MAP2K5: variants seen among roughly 807,000 people sequenced by gnomAD.
MAP2K5 encodes dual specificity mitogen-activated protein kinase kinase 5.
In MAP2K5, 49 loss-of-function variants were observed where a neutral mutation model predicts 83.1. That is an observed-to-expected ratio of 0.59 (90% CI 0.47 to 0.75). The LOEUF is 0.75. Among genes scored for constraint, MAP2K5 ranks in the 30% least tolerant of loss-of-function variants. The pLI is 0.00. For missense variants in MAP2K5, 457 were observed against 557.5 expected (o/e 0.82, Z 1.82); for synonymous variants, 202 against 191.8 (o/e 1.05, Z -0.44).
chr15:67,575,676 G>A (rs969038300), intron 3 of MAP2K5, among the ~76,000 whole-genome samples: 2 of 152,130 alleles, frequency 1.3e-5, no homozygotes, highest in African/African-American at 2.4e-5. Flanking sequence ...TAGAATGAAA[G>A]GAGTAATTTT....
chr15:67,567,844 G>A (rs1020260279), intron 3 of MAP2K5, among the ~76,000 whole-genome samples: 2 of 152,018 alleles, frequency 1.3e-5, no homozygotes, highest in African/African-American at 2.4e-5. Context: ...TGAAAATAGC[G>A]TGCTGCTTTT....
intron 8 of MAP2K5, among the ~76,000 whole-genome samples, chr15:67,616,050 T>G (rs1196104309): frequency 6.6e-6 from 1 of 152,228 alleles, no homozygotes; most frequent in African/African-American, 2.4e-5. Flanking sequence ...TCTTTCTTTT[T>G]GTTTTAGTTT....
rs946371986 is a variant in MAP2K5, at chr15:67,775,756, A to G, written c.1242+3004A>G. ...TTTGGAGGATGAAGTGAATTTTAAT[A>G]GAGAGCTTTGAAGGGGCCATTCCAG... On this transcript the variant is annotated intron_variant, in intron 21 of 21. Coordinates refer to ENST00000178640, the MANE Select transcript of MAP2K5 (RefSeq NM_145160.3). This position sits in a 1 kb window ranked among gnomAD's most constrained non-coding sequence, Gnocchi z 5.3. Among the ~76,000 whole-genome samples the G allele has an allele frequency of 6.6e-6, 1 of 152,226 alleles. No individual in the cohort carries two copies. Among genetic ancestry groups the G allele is most frequent in the Non-Finnish European group, 1.5e-5 (1 of 68,030 alleles).
In MAP2K5 at chr15:67,562,620, C is replaced by G. The variant is rs962628461; in HGVS notation, c.185-663C>G. Among the ~76,000 whole-genome samples the G allele has an allele frequency of 2.0e-5, 3 of 152,010 alleles. No individual in the cohort carries two copies. The highest frequency in any genetic ancestry group is 4.4e-5 in the Non-Finnish European group (3 of 68,016). On this transcript the variant is annotated intron_variant, in intron 2 of 21. Transcript: ENST00000178640. This position sits in a 1 kb window ranked among gnomAD's most constrained non-coding sequence, Gnocchi z 4.1. The stretch of plus-strand genomic sequence containing the variant: ...AAGCTTTCTATGGCTGGAGAGTATG[C>G]AAAACAAGTGAAACTGTTCGGAAAA...
chr15:67,728,734 T>C (rs1192347449), intron 17 of MAP2K5, among the ~76,000 whole-genome samples: 3 of 152,244 alleles, frequency 2.0e-5, no homozygotes, highest in Non-Finnish European at 4.4e-5. Flanking sequence ...GTCTCTGCTC[T>C]TTAAGCATCT....
chr15:67,683,742 A>G (rs1195850079), intron 13 of MAP2K5, among the ~76,000 whole-genome samples: 4 of 130,504 alleles, frequency 3.1e-5, no homozygotes, highest in East Asian at 6.5e-4. Flanking sequence ...CCTGGGTGAC[A>G]TGAGCAAGAC....
intron 13 of MAP2K5, among the ~76,000 whole-genome samples, chr15:67,673,071 A>G (rs1198785745): frequency 6.6e-6 from 1 of 152,156 alleles, no homozygotes; most frequent in East Asian, 1.9e-4. Flanking sequence ...GTAGCCTTGT[A>G]GTATAGTTTG....
chr15:67,715,949 A>T (rs1430245633), intron 16 of MAP2K5, among the ~76,000 whole-genome samples: 1 of 152,196 alleles, frequency 6.6e-6, no homozygotes, highest in Non-Finnish European at 1.5e-5. Flanking sequence ...GTAGGGACTG[A>T]AGGACTGTTT....
chr15:67,611,093 C>T (rs375008060), intron 8 of MAP2K5, among the ~76,000 whole-genome samples: 30 of 152,246 alleles, frequency 2.0e-4, no homozygotes, highest in East Asian at 1.9e-3. Context: ...GATTCTATTA[C>T]GACGGTTAAC....
At chr15:67,656,875 C>A (rs2087095906) in intron 11 of MAP2K5, among the ~76,000 whole-genome samples, 1 of 152,162 alleles carries the variant, frequency 6.6e-6, no homozygotes, top group Admixed American at 6.5e-5. Context: ...ATTAAACCAA[C>A]CCCTTCTGCC....
At chr15:67,681,564 C>A (rs1301397106) in intron 13 of MAP2K5, among the ~76,000 whole-genome samples, 4 of 152,112 alleles carry the variant, frequency 2.6e-5, no homozygotes, top group Non-Finnish European at 5.9e-5. Flanking sequence ...TAAAAATGAG[C>A]CACTTTACAT....
intron 13 of MAP2K5, among the ~76,000 whole-genome samples, chr15:67,689,347 A>T (rs2088039149): frequency 6.6e-6 from 1 of 152,238 alleles, no homozygotes; most frequent in Admixed American, 6.5e-5. Context: ...CAGAAATTCA[A>T]AGAAGATAGT....
chr15:67,600,588 C>A (rs1318391332), intron 7 of MAP2K5, 97 bp from the exon 8 acceptor site: 2 of 877,104 alleles, frequency 2.3e-6, no homozygotes, highest in East Asian at 2.6e-5. Flanking sequence ...CTTGAAATGA[C>A]CCAGACTGCT....
chr15:67,659,291 A>G lies in MAP2K5; in HGVS notation c.798+677A>G, dbSNP rs117958930. On this transcript the variant is annotated intron_variant, in intron 12 of 21. Coordinates refer to ENST00000178640, the MANE Select transcript of MAP2K5 (RefSeq NM_145160.3). ...GGTGGTGTGATAGTAAACAATTGCT[A>G]AACTAAAGGCACGATGATAACTTCA... The G allele has an allele frequency of 1.2e-3, 185 of 156,260 alleles. 2 individuals carry two copies. The East Asian group carries it at 0.034, about 28-fold the overall frequency. 9.7% of individuals were successfully genotyped at this position (156,260 alleles called of 1,614,324 possible).
At position 67,783,350 on chromosome 15, in the gene MAP2K5, G is replaced by A. The variant is rs1475278056; in HGVS notation, c.1242+10598G>A. Among the ~76,000 whole-genome samples, 1 of 152,190 alleles carries A rather than the reference G, an allele frequency of 6.6e-6. No homozygotes were observed. The highest frequency in any genetic ancestry group is 2.4e-5 in the African/African-American group (1 of 41,436). On this transcript the variant is annotated intron_variant, in intron 21 of 21. Coordinates refer to ENST00000178640, the MANE Select transcript of MAP2K5 (RefSeq NM_145160.3). The surrounding 1 kb of genome is among the most constrained non-coding windows in gnomAD (Gnocchi z 5.1). Reference sequence around the variant, plus strand: ...TACCCCTTCACCTCAGGCCACTCCTGTGGAGTCCTGTGCTCCAAACTTCTG... The same window carrying A: ...TACCCCTTCACCTCAGGCCACTCCTATGGAGTCCTGTGCTCCAAACTTCTG...
Position 67,785,172 on chromosome 15 carries a change from T to C in MAP2K5, c.1242+12420T>C, listed in dbSNP as rs1306168148. Reference sequence around the variant, plus strand: ...GTTGCCCAGGCTGGTCTCAAACTCCTGACCTCAAGTGATCCGCCTGCCTGG... The same window carrying C: ...GTTGCCCAGGCTGGTCTCAAACTCCCGACCTCAAGTGATCCGCCTGCCTGG... On this transcript the variant is annotated intron_variant, in intron 21 of 21. Transcript: ENST00000178640. This position sits in a 1 kb window ranked among gnomAD's most constrained non-coding sequence, Gnocchi z 4.4. 6.6e-6 allele frequency among the ~76,000 whole-genome samples: 1 copy of C among 152,192 alleles called. No individual in the cohort carries two copies. The highest frequency in any genetic ancestry group is 1.5e-5 in the Non-Finnish European group (1 of 68,024).
At chr15:67,659,383 C>T (rs766347939) in intron 12 of MAP2K5, 1 of 152,300 alleles carries the variant, frequency 6.6e-6, no homozygotes, top group Non-Finnish European at 1.5e-5. Flanking sequence ...TTTTCACATT[C>T]ATTATACATC....
rs1435032755 is a variant in MAP2K5, at chr15:67,736,841, C to T, written c.1074+8896C>T. ...CTGCGGTCCACTAGGCCTTCCACTT[C>T]TCTCCCTTTGCTTTTATTGATGCAG... On this transcript the variant is annotated intron_variant, in intron 17 of 21. Coordinates refer to ENST00000178640, the MANE Select transcript of MAP2K5 (RefSeq NM_145160.3). This position sits in a 1 kb window ranked among gnomAD's most constrained non-coding sequence, Gnocchi z 4.3. Among the ~76,000 whole-genome samples, 2 of 152,244 alleles carry T rather than the reference C, an allele frequency of 1.3e-5. No individual in the cohort carries two copies. Among genetic ancestry groups the T allele is most frequent in the Non-Finnish European group, 2.9e-5 (2 of 68,042 alleles).
At chr15:67,684,909 A>G (rs2087914243) in intron 13 of MAP2K5, among the ~76,000 whole-genome samples, 1 of 152,236 alleles carries the variant, frequency 6.6e-6, no homozygotes, top group Non-Finnish European at 1.5e-5. Context: ...CATTTCTACT[A>G]CTAGAAAAAA....
Sources: allele counts gnomAD v4.1 joint callset (sites outside exome capture counted in the v4.1 genomes callset), GRCh38; gene constraint gnomAD v4.1.1; non-coding constraint Gnocchi (gnomAD v3.1); transcripts MANE v1.5; gene names NCBI Gene and HGNC (gene_info 2026-07-23, HGNC 2026-07-21).